The following LPAR4 variants were observed in gnomAD, a reference collection of about 807,000 sequenced individuals.
The protein encoded by LPAR4 is lysophosphatidic acid receptor 4.
A neutral mutation model predicts 9.2 loss-of-function variants in LPAR4; 14 were observed. The observed-to-expected ratio is 1.51, with a 90% CI of 1.00 to 2.37. The LOEUF (loss-of-function observed/expected upper bound fraction) is 2.37. Ranked by LOEUF, LPAR4 falls within the 30% of genes most tolerant of loss-of-function variation. The pLI is 0.00. For missense variants in LPAR4, 251 were observed against 272.1 expected (o/e 0.92, Z 0.55); for synonymous variants, 131 against 97.9 (o/e 1.34, Z -1.99).
chrX:78,754,452 T>C (rs1209588334), intron 4 of LPAR4, among the ~76,000 whole-genome samples: 1 of 111,845 alleles, frequency 8.9e-6, no homozygotes, highest in Non-Finnish European at 1.9e-5. Flanking sequence ...TTCAAGCCGA[T>C]CATAGTGAAT....
At chrX:78,750,049 G>A (rs755405948) in intron 1 of LPAR4, 125 bp from the exon 2 acceptor site, 2 of 111,758 alleles carry the variant, frequency 1.8e-5, no homozygotes, top group African/African-American at 6.5e-5. Flanking sequence ...AATTTGCTTG[G>A]ATTTTGAATA....
rs753884687 is a variant in LPAR4 at position 78,755,647 on chromosome X, G to A, written c.778G>A (p.Val260Ile). The A allele has an allele frequency of 8.3e-7, 1 of 1,206,275 alleles. No individual in the cohort carries two copies. The highest frequency in any genetic ancestry group is 1.1e-6 in the Non-Finnish European group (1 of 892,344). Reference sequence around the variant, plus strand: ...CACAGTACATATGGCAGTCTTTGTGGTATGCTTTGTACCCTACAACTCTGT... The same window carrying A: ...CACAGTACATATGGCAGTCTTTGTGATATGCTTTGTACCCTACAACTCTGT... ...MITVHMAVFV[V>I]CFVPYNSVLF... is the part of the protein sequence containing the mutation. The change falls in exon 5 of 5, where the codon GTA becomes ATA. Residue 260 changes from valine (V) to isoleucine (I), a missense_variant. Coordinates refer to ENST00000614823, the MANE Select transcript of LPAR4 (RefSeq NM_001278000.3).
intron 4 of LPAR4, 21 bp from the exon 5 acceptor site, chrX:78,754,770 G>C: frequency 1.5e-6 from 1 of 671,869 alleles, no homozygotes; most frequent in Non-Finnish European, 2.2e-6. Context: ...TTGATTATTT[G>C]TTCCATCTTG....
Position 78,756,387 on chromosome X carries a change from T to C in LPAR4, c.*405T>C, listed in dbSNP as rs750423502. ...TTGTGTTACTACTGATATATGCTAG[T>C]TTTATTTTATTTTTTTGAACTGTCA... On this transcript the variant is annotated 3_prime_UTR_variant, in exon 5 of 5. Transcript: ENST00000614823. 107 of 128,086 alleles carry C rather than the reference T, an allele frequency of 8.4e-4. No individual in the cohort carries two copies. The highest frequency in any genetic ancestry group is 1.5e-3 in the Non-Finnish European group (83 of 56,783). The allele number at this position is 128,086 out of a possible 1,213,427, so 10.6% of individuals were successfully genotyped here.
At chrX:78,749,873 C>T (rs751895931) in intron 1 of LPAR4, among the ~76,000 whole-genome samples, 1 of 111,263 alleles carries the variant, frequency 9.0e-6, no homozygotes, top group East Asian at 2.8e-4. Context: ...GCATGGCACT[C>T]ATTGAAGGTT....
intron 4 of LPAR4, among the ~76,000 whole-genome samples, chrX:78,751,550 G>A (rs1255722412): frequency 9.0e-6 from 1 of 111,031 alleles, no homozygotes; most frequent in Non-Finnish European, 1.9e-5. Flanking sequence ...CTGCCACTGG[G>A]ATTTACCTTT....
At chrX:78,748,594 T>C (rs1330078911) in intron 1 of LPAR4, among the ~76,000 whole-genome samples, 1 of 112,474 alleles carries the variant, frequency 8.9e-6, no homozygotes, top group Non-Finnish European at 1.9e-5. Context: ...AATGCATCAA[T>C]GTGTCATCTT....
At chrX:78,751,455 C>T (rs1299329756) in intron 4 of LPAR4, 144 bp downstream of exon 4, 2 of 111,516 alleles carry the variant, frequency 1.8e-5, no homozygotes, top group Non-Finnish European at 3.8e-5. Flanking sequence ...ATCCGAAGAT[C>T]TAGAATGGAT....
At position 78,757,017 on chromosome X, in the gene LPAR4, C is replaced by T. The variant is rs1925330412; in HGVS notation, c.*1035C>T. 8.3e-6 allele frequency: 1 copy of T among 119,944 alleles called. No individual in the cohort carries two copies. The highest frequency in any genetic ancestry group is 2.9e-4 in the East Asian group (1 of 3,506). The allele number at this position is 119,944 out of a possible 1,213,427, so 9.9% of individuals were successfully genotyped here. A position where few individuals can be genotyped will look rare whatever the true frequency, so the allele number is the denominator to read the frequency against. On this transcript the variant is annotated 3_prime_UTR_variant, in exon 5 of 5. Coordinates refer to ENST00000614823, the MANE Select transcript of LPAR4 (RefSeq NM_001278000.3). ...CCTGAAAATACTTATTCTTTCTTAT[C>T]GAATTTTGGAGCCTAATATAGCCAG...
At position 78,754,955 on chromosome X, in the gene LPAR4, A is replaced by C. The variant is rs1925219029; in HGVS notation, c.86A>C (p.Asn29Thr). Residue 29 changes from asparagine to threonine, a missense_variant, in exon 5 of 5, where the codon AAT becomes ACT. Coordinates refer to ENST00000614823, the MANE Select transcript of LPAR4 (RefSeq NM_001278000.3). ...RPRLGNATAN[N>T]TCIVDDSFKY... ...AGGTTGGGCAATGCTACTGCCAATA[A>C]TACTTGCATTGTTGATGATTCCTTC... The C allele has an allele frequency of 8.3e-7, 1 of 1,207,058 alleles. No homozygotes were observed. The highest frequency in any genetic ancestry group is 1.1e-6 in the Non-Finnish European group (1 of 891,604).
Position 78,754,835 on chromosome X carries a change from C to A in LPAR4, c.-35C>A, listed in dbSNP as rs998256612. ...GGTCCATAGTGTCAGAGTGGTGAAC[C>A]CCTGCAGCCAGCAGGCCTCCTGAAA... On this transcript the variant is annotated 5_prime_UTR_variant, in exon 5 of 5. Coordinates refer to ENST00000614823, the MANE Select transcript of LPAR4 (RefSeq NM_001278000.3). 2 of 1,146,235 alleles carry A rather than the reference C, an allele frequency of 1.7e-6. No individual in the cohort carries two copies. The highest frequency in any genetic ancestry group is 1.2e-6 in the Non-Finnish European group (1 of 857,894). 94.5% of individuals were successfully genotyped at this position (1,146,235 alleles called of 1,213,427 possible).
chrX:78,748,796 C>A (rs144566355), intron 1 of LPAR4, among the ~76,000 whole-genome samples: 2,652 of 111,458 alleles, frequency 0.024, 35 homozygotes, highest in Non-Finnish European at 0.037. Context: ...ACTTTGCTAC[C>A]TTACAAAATT....
chrX:78,753,560 T>C (rs1925161790), intron 4 of LPAR4, among the ~76,000 whole-genome samples: 1 of 111,927 alleles, frequency 8.9e-6, no homozygotes, highest in South Asian at 3.7e-4. Flanking sequence ...AACTTCAGTA[T>C]ACCAAAAAAG....
intron 4 of LPAR4, 69 bp from the exon 5 acceptor site, chrX:78,754,722 A>C (rs1170629880): frequency 2.2e-6 from 1 of 453,079 alleles, no homozygotes; most frequent in African/African-American, 2.5e-5. Flanking sequence ...GGTGGACAGA[A>C]TATCTTATTA....
Position 78,757,202 on chromosome X carries a change from G to A in LPAR4, c.*1220G>A, listed in dbSNP as rs1302736095. 8.4e-6 allele frequency: 1 copy of A among 118,534 alleles called. No homozygotes were observed. Among genetic ancestry groups the A allele is most frequent in the Non-Finnish European group, 1.9e-5 (1 of 52,968 alleles). The allele number at this position is 118,534 out of a possible 1,213,427, so 9.8% of individuals were successfully genotyped here. A position where few individuals can be genotyped will look rare whatever the true frequency, so the allele number is the denominator to read the frequency against. ...TAACACTTTCATTACTATTTGTTGA[G>A]GTTCTGTAAATGTAAAAATACTATG... On this transcript the variant is annotated 3_prime_UTR_variant, in exon 5 of 5. Transcript: ENST00000614823.
intron 1 of LPAR4, chrX:78,748,902 A>C (rs759348359): frequency 8.9e-6 from 1 of 111,969 alleles, no homozygotes; most frequent in Admixed American, 9.5e-5. Flanking sequence ...ATTTTTCAGA[A>C]CAAAATTCCC....
At chrX:78,752,176 T>G (rs1287891020) in intron 4 of LPAR4, among the ~76,000 whole-genome samples, 2 of 111,280 alleles carry the variant, frequency 1.8e-5, no homozygotes. Flanking sequence ...GGCTATTTCT[T>G]GCATCAAAAA....
intron 4 of LPAR4, among the ~76,000 whole-genome samples, chrX:78,751,978 A>T (rs925650326): frequency 9.0e-6 from 1 of 110,716 alleles, no homozygotes; most frequent in Non-Finnish European, 1.9e-5. Context: ...TGTTAATAAG[A>T]GACTGAAGTA....
intron 1 of LPAR4, 102 bp downstream of exon 1, chrX:78,748,136 GA>G (rs1246296667): frequency 5.4e-5 from 6 of 111,018 alleles, no homozygotes; most frequent in African/African-American, 2.0e-4. Flanking sequence ...TGTAAGGAAA[GA>G]AGTTAGACTT....
Sources: gnomAD v4.1 joint callset for allele counts (sites outside exome capture counted in the v4.1 genomes callset) on GRCh38, gnomAD v4.1.1 for gene constraint, MANE v1.5 for transcripts, NCBI Gene and HGNC (gene_info 2026-07-23, HGNC 2026-07-21) for gene names.